Variants in COL11A1 observed in about 807,000 individuals in gnomAD.
COL11A1 encodes collagen type XI alpha 1 chain, also known as collagen alpha-1(XI) chain.
A neutral mutation model predicts 265.2 loss-of-function variants in COL11A1; 74 were observed. The ratio of observed to expected loss-of-function variants is 0.28; its 90% CI spans 0.23 to 0.34. The LOEUF (loss-of-function observed/expected upper bound fraction) is 0.34. Ranked by LOEUF, COL11A1 falls within the 10% of genes least tolerant of loss-of-function variation. The probability of loss-of-function intolerance (pLI) is 1.00; values close to 1 mark genes in which losing one functional copy is unlikely to be tolerated. For synonymous variants in COL11A1, 816 were observed against 727.6 expected, an observed-to-expected ratio of 1.12 and a Z score of -1.96; for missense variants, 2,165 against 2,263.6, an observed-to-expected ratio of 0.96 and a Z score of 0.88.
chr1:103,049,770 C>A (rs528577224), intron 4 of COL11A1, among the ~76,000 whole-genome samples: 3 of 152,284 alleles, frequency 2.0e-5, no homozygotes, highest in African/African-American at 7.2e-5. Flanking sequence ...GTGCTTCCTT[C>A]AGGAGCTCTT....
At position 102,983,509 on chromosome 1, in the gene COL11A1, C is replaced by T. The variant is rs116994929; in HGVS notation, c.2556+629G>A. ...GAAAAAAGGCCAGTTAAGAAGGGAA[C>T]AGAGATTGGAGTCATGAAGTCACAA... On this transcript the variant is annotated intron_variant, in intron 31 of 66. Coordinates refer to ENST00000370096, the MANE Select transcript of COL11A1 (RefSeq NM_001854.4). 4.6e-3 allele frequency among the ~76,000 whole-genome samples: 703 copies of T among 152,036 alleles called. 37 individuals carry two copies. The East Asian group carries it at 0.11, about 23-fold the overall frequency.
At chr1:103,070,631 T>C (rs537478336) in intron 4 of COL11A1, among the ~76,000 whole-genome samples, 1 of 151,940 alleles carries the variant, frequency 6.6e-6, no homozygotes, top group South Asian at 2.1e-4. Context: ...ATGATGATGG[T>C]TTCACAGCTG....
At chr1:103,005,566 ATG>A (rs2101849293) in intron 18 of COL11A1, among the ~76,000 whole-genome samples, 1 of 152,282 alleles carries the variant, frequency 6.6e-6, no homozygotes, top group East Asian at 1.9e-4. Flanking sequence ...TCTTCTGTTT[ATG>A]TGATATTTTC....
chr1:102,962,111 G>T, intron 40 of COL11A1, 65 bp downstream of exon 40: 1 of 1,342,168 alleles, frequency 7.5e-7, no homozygotes, highest in Non-Finnish European at 1.1e-6. Flanking sequence ...CTTAAGTTCT[G>T]AGAAAAAATG....
At chr1:102,983,007 A>G (rs1209855506) in intron 31 of COL11A1, among the ~76,000 whole-genome samples, 1 of 152,064 alleles carries the variant, frequency 6.6e-6, no homozygotes, top group African/African-American at 2.4e-5. Flanking sequence ...TAAAACTGAA[A>G]CTATCCCGCA....
Position 103,003,284 on chromosome 1 carries a change from A to T in COL11A1, c.1945-16T>A, listed in dbSNP as rs1225545811. 3 of 1,611,500 alleles carry T rather than the reference A, an allele frequency of 1.9e-6. No homozygotes were observed. In the East Asian group the frequency reaches 6.7e-5, roughly 36 times the overall value. ...CTCGTGGGCCCTAGGAGAAAAAGAA[A>T]AAGCACGCCTTTATTAAAAAAAAAA... On this transcript the variant is annotated splice_polypyrimidine_tract_variant and intron_variant, in intron 20 of 66. Transcript: ENST00000370096.
At chr1:103,014,485 G>A (rs749909291) in intron 13 of COL11A1, 26 bp downstream of exon 13, 2 of 1,586,968 alleles carry the variant, frequency 1.3e-6, no homozygotes, top group Non-Finnish European at 1.7e-6. Flanking sequence ...GTCATCTTGT[G>A]GGAATGCAAG....
In COL11A1 at chr1:103,074,658, G is replaced by A. The variant is rs199595073; in HGVS notation, c.611C>T (p.Thr204Met). 1.7e-5 allele frequency: 28 copies of A among 1,613,176 alleles called. No homozygotes were observed. In the East Asian group the frequency reaches 2.2e-4, roughly 13 times the overall value. ...ERAIVDTNGITVFGTRILDEE... is the reference protein window; with the variant it reads ...ERAIVDTNGIMVFGTRILDEE... Reference sequence around the variant, plus strand: ...ATCCAAAATCCTTGTTCCAAAAACCGTGATTCCATTGGTATCAACAATTGC... The same window carrying A: ...ATCCAAAATCCTTGTTCCAAAAACCATGATTCCATTGGTATCAACAATTGC... The change falls in exon 4 of 67, where the codon ACG becomes ATG. Residue 204 changes from threonine to methionine, a missense_variant. Transcript: ENST00000370096.
intron 4 of COL11A1, among the ~76,000 whole-genome samples, chr1:103,063,639 C>T (rs1013353455): frequency 3.9e-5 from 6 of 151,964 alleles, no homozygotes; most frequent in Admixed American, 2.6e-4. Context: ...CCTAAATAAC[C>T]TTGGGTATGG....
chr1:103,081,001 C>T lies in COL11A1; in HGVS notation c.274+1804G>A, dbSNP rs529681776. Reference sequence around the variant, plus strand: ...ATGGAATCAACCCACCATCTCCTAGCTATGTGTTCTTGGCAAATAAAATCC... The same window carrying T: ...ATGGAATCAACCCACCATCTCCTAGTTATGTGTTCTTGGCAAATAAAATCC... On this transcript the variant is annotated intron_variant, in intron 2 of 66. Transcript: ENST00000370096. Among the ~76,000 whole-genome samples the T allele has an allele frequency of 4.7e-4, 72 of 151,922 alleles. No homozygotes were observed. In the South Asian group the frequency reaches 0.014, roughly 29 times the overall value.
At chr1:102,922,284 G>T (rs556317516) in intron 47 of COL11A1, among the ~76,000 whole-genome samples, 3 of 152,228 alleles carry the variant, frequency 2.0e-5, no homozygotes, top group Admixed American at 6.5e-5. Flanking sequence ...ATCTACTACC[G>T]TGTAATCAGG....
chr1:102,909,726 C>T (rs1447903748), intron 54 of COL11A1, among the ~76,000 whole-genome samples: 2 of 151,910 alleles, frequency 1.3e-5, no homozygotes, highest in Non-Finnish European at 2.9e-5. Flanking sequence ...AAAACTACTT[C>T]GGTGTTGTAG....
intron 56 of COL11A1, 101 bp downstream of exon 56, chr1:102,898,565 A>G (rs1652744514): frequency 9.4e-6 from 8 of 851,330 alleles, no homozygotes; most frequent in Admixed American, 2.0e-5. Flanking sequence ...TATCCACGTT[A>G]TAACTTATGA....
intron 44 of COL11A1, among the ~76,000 whole-genome samples, chr1:102,936,135 T>C (rs952862033): frequency 6.6e-6 from 1 of 152,066 alleles, no homozygotes; most frequent in African/African-American, 2.4e-5. Flanking sequence ...GTTATTAATA[T>C]TATTAAATAT....
At chr1:102,907,250 T>A (rs1438608705) in intron 54 of COL11A1, among the ~76,000 whole-genome samples, 5 of 152,102 alleles carry the variant, frequency 3.3e-5, no homozygotes, top group African/African-American at 1.2e-4. Context: ...AAATAGCTCA[T>A]CATCTTTCTA....
chr1:103,040,019 AAAGCATC>A, intron 4 of COL11A1, among the ~76,000 whole-genome samples: 1 of 152,096 alleles, frequency 6.6e-6, no homozygotes, highest in Non-Finnish European at 1.5e-5. Flanking sequence ...GAAATGTAAA[AAAGCATC>A]ATTCCAACTA....
intron 54 of COL11A1, among the ~76,000 whole-genome samples, chr1:102,909,834 T>C (rs2101001905): frequency 6.6e-6 from 1 of 152,112 alleles, no homozygotes; most frequent in East Asian, 1.9e-4. Context: ...GTCTGAGTTA[T>C]TCACTAAAAT....
chr1:102,941,314 A>C (rs1191881296), intron 42 of COL11A1, among the ~76,000 whole-genome samples: 3 of 152,154 alleles, frequency 2.0e-5, no homozygotes, highest in Non-Finnish European at 4.4e-5. Context: ...CTACTGAAAA[A>C]AACCTCCTGC....
Position 102,920,330 on chromosome 1 carries a change from A to C in COL11A1, c.3743T>G (p.Val1248Gly). The C allele has an allele frequency of 6.2e-7, 1 of 1,613,298 alleles. No individual in the cohort carries two copies. Among genetic ancestry groups the C allele is most frequent in the South Asian group, 1.1e-5 (1 of 91,070 alleles). The change falls in exon 49 of 67, where the codon GTT (valine) becomes GGT (glycine). Residue 1248 changes from valine to glycine, a missense_variant. Coordinates refer to ENST00000370096, the MANE Select transcript of COL11A1 (RefSeq NM_001854.4). ...ATTTACCTTTTCTCCAACACCACCA[A>C]CTGAACCAACAGACCCTGGGGGTCC... Reference protein sequence around the residue: ...PQGPPGSVGSVGGVGEKGEPG... With the variant: ...PQGPPGSVGSGGGVGEKGEPG...
Sources: gnomAD v4.1 joint callset for allele counts (sites outside exome capture counted in the v4.1 genomes callset) on GRCh38, gnomAD v4.1.1 for gene constraint, MANE v1.5 for transcripts, NCBI Gene and HGNC (gene_info 2026-07-23, HGNC 2026-07-21) for gene names.